Variants in RNGTT observed in about 807,000 individuals in gnomAD.
RNGTT encodes the protein mRNA-capping enzyme.
A neutral mutation model predicts 79.3 loss-of-function variants in RNGTT; 33 were observed. The observed-to-expected ratio is 0.42, with a 90% confidence interval of 0.32 to 0.56. The LOEUF (loss-of-function observed/expected upper bound fraction) is 0.56. RNGTT is among the 20% of genes least tolerant of loss of function. The pLI is 0.17. For missense variants in RNGTT, 497 were observed against 739.1 expected (o/e 0.67, Z 3.80); for synonymous variants, 222 against 235.9 (o/e 0.94, Z 0.54).
At chr6:88,871,289 A>C (rs756015560) in intron 8 of RNGTT, among the ~76,000 whole-genome samples, 1 of 152,174 alleles carries the variant, frequency 6.6e-6, no homozygotes, top group Non-Finnish European at 1.5e-5. Context: ...TGATGCACTT[A>C]TACAATGGAA....
chr6:88,959,043 A>G (rs987036766), intron 1 of RNGTT, among the ~76,000 whole-genome samples: 3 of 152,206 alleles, frequency 2.0e-5, no homozygotes, highest in Admixed American at 1.3e-4. Context: ...AAGGAATGAA[A>G]TAATGGCATT....
intron 13 of RNGTT, among the ~76,000 whole-genome samples, chr6:88,761,745 A>G (rs560190189): frequency 1.3e-5 from 2 of 152,314 alleles, no homozygotes; most frequent in Admixed American, 1.3e-4. Flanking sequence ...AGACTTGAGT[A>G]GTTGAGATAC....
At chr6:88,867,398 G>T (rs973270993) in intron 8 of RNGTT, among the ~76,000 whole-genome samples, 1 of 151,970 alleles carries the variant, frequency 6.6e-6, no homozygotes, top group African/African-American at 2.4e-5. Context: ...CACAAGAATC[G>T]CTTGAACCTG....
chr6:88,754,945 G>A (rs965500654), intron 13 of RNGTT, among the ~76,000 whole-genome samples: 5 of 152,222 alleles, frequency 3.3e-5, no homozygotes, highest in South Asian at 4.1e-4. Flanking sequence ...ATCTCTGTTC[G>A]AGGCTCTCAG....
At chr6:88,929,725 G>A (rs1784425493) in intron 2 of RNGTT, among the ~76,000 whole-genome samples, 1 of 151,702 alleles carries the variant, frequency 6.6e-6, no homozygotes. Context: ...CAATAATTCT[G>A]TTAATATCTA....
rs189272643 is a variant in RNGTT, at chr6:88,886,934, G to A, written c.896+3561C>T. On this transcript the variant is annotated intron_variant, in intron 8 of 15. Coordinates refer to ENST00000369485, the MANE Select transcript of RNGTT (RefSeq NM_003800.5). ...TTCCTGTCAAAACCACTCCAGGCAGGGTTCAATGGCTCACACTTATAATCC... is the reference window on the plus strand; with the variant it reads ...TTCCTGTCAAAACCACTCCAGGCAGAGTTCAATGGCTCACACTTATAATCC... Among the ~76,000 whole-genome samples the A allele has an allele frequency of 4.7e-3, 710 of 151,646 alleles. 6 individuals carry two copies. Among genetic ancestry groups the A allele is most frequent in the African/African-American group, 0.016 (673 of 41,310 alleles).
intron 12 of RNGTT, among the ~76,000 whole-genome samples, chr6:88,789,015 CA>C (rs1779316543): frequency 6.6e-6 from 1 of 152,192 alleles, no homozygotes; most frequent in South Asian, 2.1e-4. Context: ...AAAAGCTAAA[CA>C]ATAAAACTTT....
At chr6:88,933,180 T>G (rs2127955428) in intron 2 of RNGTT, among the ~76,000 whole-genome samples, 1 of 152,332 alleles carries the variant, frequency 6.6e-6, no homozygotes, top group Admixed American at 6.5e-5. Context: ...GATATTTTAT[T>G]ACATGCATGT....
At chr6:88,684,929 C>G (rs76975310) in intron 13 of RNGTT, among the ~76,000 whole-genome samples, 2,332 of 152,086 alleles carry the variant, frequency 0.015, 61 homozygotes, top group African/African-American at 0.054. Context: ...TTGCTATGAA[C>G]CTAAAACTGC....
chr6:88,734,302 T>TA (rs936137500), intron 13 of RNGTT, among the ~76,000 whole-genome samples: 2 of 151,442 alleles, frequency 1.3e-5, no homozygotes, highest in South Asian at 2.1e-4. Context: ...GACAACCACT[T>TA]AAAAAAAACT....
At chr6:88,705,793 T>C (rs572197535) in intron 13 of RNGTT, among the ~76,000 whole-genome samples, 18 of 152,246 alleles carry the variant, frequency 1.2e-4, no homozygotes, top group Middle Eastern at 3.4e-3. Flanking sequence ...ACTGAAATTT[T>C]CCACTTCATT....
intron 13 of RNGTT, among the ~76,000 whole-genome samples, chr6:88,694,714 A>T (rs1477564631): frequency 1.3e-5 from 2 of 152,196 alleles, no homozygotes; most frequent in Admixed American, 1.3e-4. Context: ...AGCTATAGTA[A>T]TTAAAACAGC....
At chr6:88,849,149 A>C (rs1781584199) in intron 10 of RNGTT, among the ~76,000 whole-genome samples, 13 of 152,022 alleles carry the variant, frequency 8.6e-5, no homozygotes, top group Admixed American at 8.5e-4. Flanking sequence ...GATGAGATTA[A>C]GCCAGTTCTG....
At chr6:88,707,506 C>T (rs1292891923) in intron 13 of RNGTT, among the ~76,000 whole-genome samples, 1 of 151,960 alleles carries the variant, frequency 6.6e-6, no homozygotes. Context: ...GTTCTTTGTG[C>T]TTTCAACATA....
intron 2 of RNGTT, among the ~76,000 whole-genome samples, chr6:88,938,551 A>T (rs149307121): frequency 8.3e-4 from 127 of 152,288 alleles, no homozygotes; most frequent in African/African-American, 2.9e-3. Context: ...TAATATGTGA[A>T]GGCTTATTCC....
At chr6:88,944,384 C>A (rs1035338653) in intron 1 of RNGTT, among the ~76,000 whole-genome samples, 1 of 152,136 alleles carries the variant, frequency 6.6e-6, no homozygotes, top group Non-Finnish European at 1.5e-5. Context: ...TTCAACAATG[C>A]CTCTCCACCT....
At chr6:88,733,216 C>A (rs1226079217) in intron 13 of RNGTT, among the ~76,000 whole-genome samples, 2 of 151,872 alleles carry the variant, frequency 1.3e-5, no homozygotes, top group Non-Finnish European at 2.9e-5. Flanking sequence ...CAAAAATCAG[C>A]CAGGTGTTGT....
intron 4 of RNGTT, among the ~76,000 whole-genome samples, chr6:88,912,851 C>T (rs1396765599): frequency 6.6e-6 from 1 of 152,032 alleles, no homozygotes; most frequent in Non-Finnish European, 1.5e-5. Context: ...GAAACTGAAA[C>T]CCTGGACAAG....
chr6:88,786,362 C>A (rs1208958022), intron 12 of RNGTT, among the ~76,000 whole-genome samples: 1 of 152,154 alleles, frequency 6.6e-6, no homozygotes, highest in Non-Finnish European at 1.5e-5. Context: ...TTACTACCAA[C>A]TTTGTAAATT....
Sources: gnomAD v4.1 joint callset for allele counts (sites outside exome capture counted in the v4.1 genomes callset) on GRCh38, gnomAD v4.1.1 for gene constraint, MANE v1.5 for transcripts, NCBI Gene and HGNC (gene_info 2026-07-23, HGNC 2026-07-21) for gene names.